RGL1: variants seen among roughly 807,000 people sequenced by gnomAD.
RGL1 encodes ral guanine nucleotide dissociation stimulator-like 1.
RGL1 carries 24 observed loss-of-function variants against 95.2 expected under a neutral mutation model. That is an observed-to-expected ratio of 0.25 (90% CI 0.18 to 0.35). The LOEUF (loss-of-function observed/expected upper bound fraction) is 0.35, where lower values mean the gene tolerates loss of function less well. Ranked by LOEUF, RGL1 falls within the 10% of genes least tolerant of loss-of-function variation. The pLI, the probability that RGL1 is intolerant of heterozygous loss-of-function variation, is 1.00. For missense variants in RGL1, 715 were observed against 936.3 expected, an observed-to-expected ratio of 0.76 and a Z score of 3.08; for synonymous variants, 329 against 344.9, an observed-to-expected ratio of 0.95 and a Z score of 0.51.
intron 1 of RGL1, chr1:183,709,641 C>T (rs1047967952): frequency 9.4e-6 from 2 of 213,202 alleles, no homozygotes; most frequent in South Asian, 1.7e-4. Context: ...TTCTGATAAG[C>T]TGTCACAGTT....
intron 2 of RGL1, among the ~76,000 whole-genome samples, chr1:183,841,985 A>C (rs2491434): frequency 0.16 from 23,926 of 152,158 alleles, 2,271 homozygotes; most frequent in East Asian, 0.28. Context: ...AACCACTTTC[A>C]GTCCCAAGAA....
At chr1:183,876,461 C>T (rs564175609) in intron 4 of RGL1, among the ~76,000 whole-genome samples, 5 of 152,346 alleles carry the variant, frequency 3.3e-5, no homozygotes, top group South Asian at 2.1e-4. Flanking sequence ...GCCACCTACC[C>T]GGCATACTTG....
chr1:183,822,638 A>G (rs550160541), intron 2 of RGL1, among the ~76,000 whole-genome samples: 26 of 152,338 alleles, frequency 1.7e-4, no homozygotes, highest in Non-Finnish European at 2.6e-4. Context: ...ACGGAATGAC[A>G]TGGCAGTCAG....
chr1:183,657,801 T>C (rs1040279988), intron 1 of RGL1, among the ~76,000 whole-genome samples: 3 of 151,790 alleles, frequency 2.0e-5, no homozygotes, highest in Non-Finnish European at 4.4e-5. Context: ...TTTGGGTATA[T>C]ACCCAGTAAT....
chr1:183,643,606 T>TA (rs974676588), intron 1 of RGL1, among the ~76,000 whole-genome samples: 6 of 151,898 alleles, frequency 4.0e-5, no homozygotes, highest in Non-Finnish European at 7.4e-5. Flanking sequence ...TCCTGTTTTA[T>TA]AAAAAAAATT....
chr1:183,657,100 T>G (rs1651225864), intron 1 of RGL1, among the ~76,000 whole-genome samples: 1 of 151,800 alleles, frequency 6.6e-6, no homozygotes, highest in Non-Finnish European at 1.5e-5. Context: ...CTGTGAAAAA[T>G]GTCCTTGGAA....
intron 2 of RGL1, among the ~76,000 whole-genome samples, chr1:183,844,095 G>A (rs1664257148): frequency 6.6e-6 from 1 of 152,096 alleles, no homozygotes; most frequent in Non-Finnish European, 1.5e-5. Context: ...CGAAGTGCTG[G>A]GATTACAGGC....
intron 2 of RGL1, among the ~76,000 whole-genome samples, chr1:183,760,691 T>G (rs1658617872): frequency 6.6e-6 from 1 of 151,762 alleles, no homozygotes; most frequent in Non-Finnish European, 1.5e-5. Flanking sequence ...CTCAGGAGGC[T>G]GTAGTGAGGT....
intron 2 of RGL1, among the ~76,000 whole-genome samples, chr1:183,747,230 C>T (rs1053904068): frequency 7.9e-5 from 12 of 152,200 alleles, no homozygotes; most frequent in Admixed American, 2.0e-4. Context: ...GGAATCACCA[C>T]GCTGTCTTCC....
At chr1:183,830,135 C>T (rs1663161060) in intron 2 of RGL1, among the ~76,000 whole-genome samples, 1 of 152,122 alleles carries the variant, frequency 6.6e-6, no homozygotes, top group South Asian at 2.1e-4. Context: ...TGCTCTAGTC[C>T]TCCACTTATG....
intron 2 of RGL1, among the ~76,000 whole-genome samples, chr1:183,817,213 C>T (rs1354881243): frequency 1.3e-5 from 2 of 152,146 alleles, no homozygotes; most frequent in Non-Finnish European, 2.9e-5. Context: ...AAGAATGTTA[C>T]CAGCTGACCA....
intron 3 of RGL1, among the ~76,000 whole-genome samples, chr1:183,865,321 A>G (rs1248992210): frequency 6.6e-6 from 1 of 152,174 alleles, no homozygotes; most frequent in Non-Finnish European, 1.5e-5. Context: ...TTGCTTTCCC[A>G]AAAATCAGAC....
intron 4 of RGL1, among the ~76,000 whole-genome samples, chr1:183,877,380 C>T (rs1450727529): frequency 1.3e-5 from 2 of 152,208 alleles, no homozygotes; most frequent in African/African-American, 4.8e-5. Context: ...TTTTTCTTTT[C>T]ATCATTATTT....
intron 2 of RGL1, among the ~76,000 whole-genome samples, chr1:183,780,659 A>C (rs775324295): frequency 1.3e-5 from 2 of 152,216 alleles, no homozygotes; most frequent in Non-Finnish European, 2.9e-5. Flanking sequence ...GTTTTGGCCA[A>C]TAGAAAGCCT....
intron 1 of RGL1, among the ~76,000 whole-genome samples, chr1:183,715,803 A>G (rs945124380): frequency 5.3e-5 from 8 of 152,088 alleles, no homozygotes; most frequent in African/African-American, 1.7e-4. Context: ...GAAAGAAACT[A>G]TAAGGAATTG....
intron 1 of RGL1, among the ~76,000 whole-genome samples, chr1:183,693,825 G>C (rs554633180): frequency 6.6e-6 from 1 of 152,264 alleles, no homozygotes; most frequent in South Asian, 2.1e-4. Context: ...ATTGAGACAG[G>C]CACCAGAAGT....
chr1:183,850,254 T>A (rs1226914008), intron 3 of RGL1, among the ~76,000 whole-genome samples: 4 of 152,214 alleles, frequency 2.6e-5, no homozygotes, highest in Admixed American at 1.3e-4. Context: ...TAATTATAAC[T>A]CTGCATATTA....
chr1:183,662,136 T>A (rs966907837), intron 1 of RGL1, among the ~76,000 whole-genome samples: 1 of 151,468 alleles, frequency 6.6e-6, no homozygotes, highest in African/African-American at 2.5e-5. Context: ...AAGCATTCCC[T>A]TTGAAAACTG....
At chr1:183,662,249 T>C (rs865839275) in intron 1 of RGL1, among the ~76,000 whole-genome samples, 1 of 150,712 alleles carries the variant, frequency 6.6e-6, no homozygotes, top group Middle Eastern at 3.4e-3. Flanking sequence ...GGTATTCAAT[T>C]AGGAAAAGAT....
Sources: allele counts gnomAD v4.1 joint callset (sites outside exome capture counted in the v4.1 genomes callset), GRCh38; gene constraint gnomAD v4.1.1; transcripts MANE v1.5; gene names NCBI Gene and HGNC (gene_info 2026-07-23, HGNC 2026-07-21).